GALNTL6: variants seen among roughly 807,000 people sequenced by gnomAD.
GALNTL6 encodes polypeptide N-acetylgalactosaminyltransferase like 6, also known as polypeptide N-acetylgalactosaminyltransferase-like 6.
GALNTL6 carries 46 observed loss-of-function variants against 73.7 expected under a neutral mutation model. The observed-to-expected ratio is 0.62, with a 90% CI of 0.49 to 0.80. The LOEUF is 0.80. Among genes scored for constraint, GALNTL6 ranks in the 30% least tolerant of loss-of-function variants. The probability of loss-of-function intolerance (pLI) is 0.00; values close to 1 mark genes in which losing one functional copy is unlikely to be tolerated. For synonymous variants in GALNTL6, 259 were observed against 263.7 expected, an observed-to-expected ratio of 0.98 and a Z score of 0.17; for missense variants, 604 against 755.0, an observed-to-expected ratio of 0.80 and a Z score of 2.34.
intron 5 of GALNTL6, among the ~76,000 whole-genome samples, chr4:172,768,721 G>T (rs1475045241): frequency 1.3e-5 from 2 of 152,170 alleles, no homozygotes; most frequent in African/African-American, 4.8e-5. Context: ...TGTTACTGAG[G>T]TCTTAGGAGA....
chr4:172,159,839 A>C (rs549194470), intron 2 of GALNTL6, among the ~76,000 whole-genome samples: 1 of 152,292 alleles, frequency 6.6e-6, no homozygotes, highest in South Asian at 2.1e-4. Flanking sequence ...GATTGGAGGA[A>C]GGAAAGACAA....
intron 5 of GALNTL6, among the ~76,000 whole-genome samples, chr4:172,766,135 T>G (rs1221839407): frequency 6.6e-6 from 1 of 152,180 alleles, no homozygotes; most frequent in African/African-American, 2.4e-5. Context: ...CCAATTCCTC[T>G]GTTGCCTCTC....
chr4:172,832,341 C>T (rs1045089736), intron 7 of GALNTL6, among the ~76,000 whole-genome samples: 14 of 152,110 alleles, frequency 9.2e-5, no homozygotes, highest in East Asian at 3.9e-4. Flanking sequence ...ACAGAAAGTA[C>T]GCGGTTCCAC....
At chr4:172,838,694 C>T (rs1743044521) in intron 7 of GALNTL6, among the ~76,000 whole-genome samples, 1 of 152,078 alleles carries the variant, frequency 6.6e-6, no homozygotes, top group Non-Finnish European at 1.5e-5. Context: ...GCATGCTTTC[C>T]CCATCTTTCA....
intron 2 of GALNTL6, among the ~76,000 whole-genome samples, chr4:171,860,404 A>C (rs1735802187): frequency 6.6e-6 from 1 of 152,228 alleles, no homozygotes; most frequent in African/African-American, 2.4e-5. Flanking sequence ...GTAAAATAAT[A>C]GGACCTAGAG....
rs578052032 is a variant in GALNTL6, at chr4:172,193,589, G to A, written c.139-36067G>A. Among the ~76,000 whole-genome samples, 410 of 152,298 alleles carry A rather than the reference G, an allele frequency of 2.7e-3. 2 individuals are homozygous for A. The highest frequency in any genetic ancestry group is 8.2e-3 in the African/African-American group (341 of 41,566). ...GAATATGAGAAATAATTGGCCGGGCGTGGTGGCTCATGCCTGTAATCCCAG... is the reference window on the plus strand; with the variant it reads ...GAATATGAGAAATAATTGGCCGGGCATGGTGGCTCATGCCTGTAATCCCAG... On this transcript the variant is annotated intron_variant, in intron 2 of 12. Transcript: ENST00000506823.
At chr4:172,733,119 G>C (rs920414122) in intron 5 of GALNTL6, among the ~76,000 whole-genome samples, 1 of 152,070 alleles carries the variant, frequency 6.6e-6, no homozygotes, top group Non-Finnish European at 1.5e-5. Context: ...CGGGTCTGTT[G>C]GTGGTGAATT....
intron 5 of GALNTL6, among the ~76,000 whole-genome samples, chr4:172,472,272 C>G (rs1484269177): frequency 6.6e-6 from 1 of 152,164 alleles, no homozygotes; most frequent in Non-Finnish European, 1.5e-5. Flanking sequence ...ATTATTATCT[C>G]CATTTTGCAG....
chr4:172,146,334 A>G (rs1417241870), intron 2 of GALNTL6, among the ~76,000 whole-genome samples: 1 of 152,202 alleles, frequency 6.6e-6, no homozygotes, highest in Non-Finnish European at 1.5e-5. Context: ...AATACGTGTC[A>G]GTTTTGGAAG....
chr4:172,674,636 AT>A (rs1285426361), intron 5 of GALNTL6, among the ~76,000 whole-genome samples: 1 of 151,968 alleles, frequency 6.6e-6, no homozygotes, highest in Non-Finnish European at 1.5e-5. Flanking sequence ...CCATAATCCT[AT>A]GTTTCTTGGA....
intron 2 of GALNTL6, among the ~76,000 whole-genome samples, chr4:171,886,914 A>G (rs1395877732): frequency 6.6e-6 from 1 of 152,238 alleles, no homozygotes; most frequent in Non-Finnish European, 1.5e-5. Context: ...GTTCAACATG[A>G]TTGGAACATA....
At chr4:171,991,749 T>TACAC (rs1740343691) in intron 2 of GALNTL6, among the ~76,000 whole-genome samples, 2 of 137,512 alleles carry the variant, frequency 1.5e-5, no homozygotes, top group Admixed American at 1.4e-4. Flanking sequence ...TATATATATA[T>TACAC]ATATATACAC....
intron 2 of GALNTL6, among the ~76,000 whole-genome samples, chr4:171,954,904 C>T (rs1281560250): frequency 6.6e-6 from 1 of 152,152 alleles, no homozygotes; most frequent in Non-Finnish European, 1.5e-5. Context: ...GCCTGCTTCC[C>T]TTTTGCCTTC....
chr4:172,030,246 T>G (rs1446256174), intron 2 of GALNTL6, among the ~76,000 whole-genome samples: 1 of 152,102 alleles, frequency 6.6e-6, no homozygotes, highest in Non-Finnish European at 1.5e-5. Context: ...ACCTATCTAA[T>G]CTAATCGAGA....
At chr4:172,618,434 C>G (rs1738828274) in intron 5 of GALNTL6, among the ~76,000 whole-genome samples, 2 of 152,164 alleles carry the variant, frequency 1.3e-5, no homozygotes, top group Non-Finnish European at 2.9e-5. Context: ...ATATTCTACT[C>G]CCTAGTAACA....
intron 10 of GALNTL6, among the ~76,000 whole-genome samples, chr4:173,003,094 A>G (rs907003583): frequency 1.3e-5 from 2 of 152,240 alleles, no homozygotes; most frequent in African/African-American, 4.8e-5. Context: ...AATGCTATTC[A>G]ATTGAACATT....
intron 12 of GALNTL6, among the ~76,000 whole-genome samples, chr4:173,039,446 C>T (rs1312336393): frequency 6.6e-6 from 1 of 151,930 alleles, no homozygotes; most frequent in African/African-American, 2.4e-5. Flanking sequence ...ATTAGAGATT[C>T]AATGTGAGGG....
At chr4:172,701,455 T>A (rs1235076036) in intron 5 of GALNTL6, among the ~76,000 whole-genome samples, 1 of 152,110 alleles carries the variant, frequency 6.6e-6, no homozygotes, top group Non-Finnish European at 1.5e-5. Context: ...GAGCTGGGAC[T>A]CTGATTAATA....
chr4:172,107,727 A>G (rs1732721970), intron 2 of GALNTL6, among the ~76,000 whole-genome samples: 1 of 151,032 alleles, frequency 6.6e-6, no homozygotes, highest in African/African-American at 2.4e-5. Context: ...CCTAATGTTA[A>G]ATGACGAGTT....
Sources: allele counts gnomAD v4.1 joint callset (sites outside exome capture counted in the v4.1 genomes callset), GRCh38; gene constraint gnomAD v4.1.1; transcripts MANE v1.5; gene names NCBI Gene and HGNC (gene_info 2026-07-23, HGNC 2026-07-21).